The following DIS3L2 variants were observed in gnomAD, a reference collection of about 807,000 sequenced individuals.
The protein encoded by DIS3L2 is DIS3-like exonuclease 2.
A neutral mutation model predicts 97.5 loss-of-function variants in DIS3L2; 34 were observed. That is an observed-to-expected ratio of 0.35 (90% CI 0.27 to 0.46). The LOEUF is 0.46. DIS3L2 is among the 20% of genes least tolerant of loss of function. The pLI, the probability that DIS3L2 is intolerant of heterozygous loss-of-function variation, is 1.00. For missense variants in DIS3L2, 1,038 were observed against 1,146.0 expected (o/e 0.91, Z 1.36); for synonymous variants, 435 against 445.2 (o/e 0.98, Z 0.29).
At chr2:232,335,742 T>G in intron 19 of DIS3L2, 31 bp from the exon 20 acceptor site, 2 of 1,547,628 alleles carry the variant, frequency 1.3e-6, no homozygotes, top group Non-Finnish European at 1.7e-6. Context: ...CATCCAGAGC[T>G]GAGGCCTGAG....
chr2:232,265,547 G>A (rs1205367907), intron 13 of DIS3L2, among the ~76,000 whole-genome samples: 1 of 152,220 alleles, frequency 6.6e-6, no homozygotes, highest in Non-Finnish European at 1.5e-5. Context: ...CCCACCAGGG[G>A]AGTGGTATGT....
intron 6 of DIS3L2, 178 bp downstream of exon 6, chr2:232,087,899 G>A: frequency 3.5e-6 from 2 of 576,168 alleles, no homozygotes; most frequent in South Asian, 2.2e-5. Flanking sequence ...ATGAAAGAGG[G>A]GATGAAAGTG....
chr2:232,021,486 C>T (rs193218990), intron 3 of DIS3L2, among the ~76,000 whole-genome samples: 2 of 151,354 alleles, frequency 1.3e-5, no homozygotes, highest in South Asian at 2.1e-4. Flanking sequence ...GTAGTGCTGA[C>T]GGGATCCAGG....
At chr2:232,329,786 C>CCCCGGG in intron 14 of DIS3L2, 27 bp from the exon 15 acceptor site, 36 of 430,206 alleles carry the variant, frequency 8.4e-5, no homozygotes, top group Non-Finnish European at 1.5e-4. Context: ...CCCCAGCGGT[C>CCCCGGG]CCTCCCATCC....
intron 14 of DIS3L2, 28 bp from the exon 15 acceptor site, chr2:232,329,785 T>TCCCAGGGGCCCCCCCC: frequency 1.0e-6 from 1 of 967,144 alleles, no homozygotes; most frequent in East Asian, 3.1e-5. Context: ...ACCCCAGCGG[T>TCCCAGGGGCCCCCCCC]CCCTCCCATC....
chr2:232,258,354 G>A (rs533433904), intron 12 of DIS3L2, among the ~76,000 whole-genome samples: 26 of 152,176 alleles, frequency 1.7e-4, no homozygotes, highest in South Asian at 4.1e-4. Flanking sequence ...GGAGGCCAAA[G>A]CGGGCGGATC....
At chr2:232,094,086 A>AT (rs1445952540) in intron 6 of DIS3L2, among the ~76,000 whole-genome samples, 1 of 152,016 alleles carries the variant, frequency 6.6e-6, no homozygotes, top group African/African-American at 2.4e-5. Flanking sequence ...CCCACTGGTC[A>AT]TTCAGCATGT....
At chr2:232,035,587 A>G (rs989401845) in intron 5 of DIS3L2, among the ~76,000 whole-genome samples, 4 of 152,152 alleles carry the variant, frequency 2.6e-5, no homozygotes, top group Non-Finnish European at 4.4e-5. Flanking sequence ...CAGTTTCTTC[A>G]TAGTGTCAAT....
intron 9 of DIS3L2, among the ~76,000 whole-genome samples, chr2:232,175,403 A>G (rs1377180217): frequency 6.6e-6 from 1 of 151,984 alleles, no homozygotes; most frequent in Non-Finnish European, 1.5e-5. Context: ...ACATTGCTAG[A>G]TTTGGTTTAC....
At chr2:232,169,111 T>C (rs1690907535) in intron 9 of DIS3L2, among the ~76,000 whole-genome samples, 1 of 152,156 alleles carries the variant, frequency 6.6e-6, no homozygotes, top group Non-Finnish European at 1.5e-5. Context: ...TTTGTGATCA[T>C]GTGATTTCTT....
intron 6 of DIS3L2, among the ~76,000 whole-genome samples, chr2:232,112,606 C>A (rs1339263699): frequency 6.6e-6 from 1 of 152,136 alleles, no homozygotes; most frequent in Non-Finnish European, 1.5e-5. Context: ...AAAACCAACA[C>A]ATTGACTGGC....
At chr2:232,097,164 T>G (rs1697046930) in intron 6 of DIS3L2, among the ~76,000 whole-genome samples, 1 of 152,194 alleles carries the variant, frequency 6.6e-6, no homozygotes, top group Admixed American at 6.5e-5. Flanking sequence ...TTTGCAGACT[T>G]GTAGAGGTTC....
intron 10 of DIS3L2, among the ~76,000 whole-genome samples, chr2:232,225,091 TG>T (rs1692607943): frequency 6.6e-6 from 1 of 152,214 alleles, no homozygotes; most frequent in African/African-American, 2.4e-5. Context: ...TTTTTAAAGC[TG>T]ACAATGTTAG....
intron 6 of DIS3L2, among the ~76,000 whole-genome samples, chr2:232,128,147 G>A (rs1251845973): frequency 6.6e-6 from 1 of 151,946 alleles, no homozygotes; most frequent in Non-Finnish European, 1.5e-5. Context: ...GTAGAGACAG[G>A]GTTTTGCCAT....
At chr2:232,273,527 G>A (rs966063038) in intron 13 of DIS3L2, among the ~76,000 whole-genome samples, 1 of 152,240 alleles carries the variant, frequency 6.6e-6, no homozygotes, top group African/African-American at 2.4e-5. Flanking sequence ...GTGAATGAAA[G>A]GGCTGGGTGT....
intron 14 of DIS3L2, 28 bp from the exon 15 acceptor site, chr2:232,329,785 T>TGCCCGGGGGGCGCCC: frequency 1.0e-6 from 1 of 967,144 alleles, no homozygotes; most frequent in Non-Finnish European, 1.5e-6. Flanking sequence ...ACCCCAGCGG[T>TGCCCGGGGGGCGCCC]CCCTCCCATC....
chr2:232,286,970 A>G (rs1465265043), intron 13 of DIS3L2, among the ~76,000 whole-genome samples: 1 of 151,976 alleles, frequency 6.6e-6, no homozygotes, highest in Admixed American at 6.6e-5. Context: ...TCATAGGTAG[A>G]AGTGTTCACA....
chr2:232,083,730 A>G (rs187552043), intron 5 of DIS3L2, among the ~76,000 whole-genome samples: 1 of 152,200 alleles, frequency 6.6e-6, no homozygotes, highest in East Asian at 1.9e-4. Flanking sequence ...CCTGACTGCA[A>G]GTGATCTGCC....
intron 6 of DIS3L2, among the ~76,000 whole-genome samples, chr2:232,091,842 T>G (rs1048703596): frequency 8.5e-5 from 13 of 152,180 alleles, no homozygotes; most frequent in Non-Finnish European, 1.8e-4. Flanking sequence ...AAAAGCCATT[T>G]TAACCAGGAT....
Sources: gnomAD v4.1 joint callset for allele counts (sites outside exome capture counted in the v4.1 genomes callset) on GRCh38, gnomAD v4.1.1 for gene constraint, MANE v1.5 for transcripts, NCBI Gene and HGNC (gene_info 2026-07-23, HGNC 2026-07-21) for gene names.